The following SPECC1 variants were observed in gnomAD, a reference collection of about 807,000 sequenced individuals.
SPECC1 encodes sperm antigen with calponin homology and coiled-coil domains 1.
Under a neutral mutation model 104.1 loss-of-function variants are expected in SPECC1, and 62 were observed. That is an observed-to-expected ratio of 0.60 (90% CI 0.49 to 0.74). SPECC1 has a LOEUF of 0.74. Among genes scored for constraint, SPECC1 ranks in the 30% least tolerant of loss-of-function variants. The probability of loss-of-function intolerance (pLI) is 0.00; values close to 1 mark genes in which losing one functional copy is unlikely to be tolerated. For synonymous variants in SPECC1, 513 were observed against 501.6 expected, an observed-to-expected ratio of 1.02 and a Z score of -0.30; for missense variants, 1,306 against 1,310.5, an observed-to-expected ratio of 1.00 and a Z score of 0.05.
chr17:20,209,036 T>A (rs1466555445), intron 4 of SPECC1, among the ~76,000 whole-genome samples: 1 of 152,228 alleles, frequency 6.6e-6, no homozygotes, highest in Non-Finnish European at 1.5e-5. Context: ...ATAGTTTTTA[T>A]GTAATCAAGT....
chr17:20,232,170 T>C (rs1413047803), intron 6 of SPECC1, 30 bp from the exon 7 acceptor site: 1 of 1,612,402 alleles, frequency 6.2e-7, no homozygotes, highest in Non-Finnish European at 8.5e-7. Flanking sequence ...GGCAGGCGTC[T>C]GACATAAGGA....
chr17:20,108,788 ACTTG>A, intron 2 of SPECC1, among the ~76,000 whole-genome samples: 1 of 152,320 alleles, frequency 6.6e-6, no homozygotes, highest in Middle Eastern at 3.4e-3. Flanking sequence ...GGACCTATGT[ACTTG>A]CTTCTCTTGG....
At chr17:20,149,353 A>G (rs1880717088) in intron 3 of SPECC1, among the ~76,000 whole-genome samples, 4 of 152,174 alleles carry the variant, frequency 2.6e-5, no homozygotes, top group African/African-American at 9.7e-5. Context: ...GGATTTCGGA[A>G]GGGTTCCTGC....
At chr17:20,284,384 C>T (rs568684464) in intron 12 of SPECC1, among the ~76,000 whole-genome samples, 2 of 152,350 alleles carry the variant, frequency 1.3e-5, no homozygotes, top group Admixed American at 6.5e-5. Flanking sequence ...AGTCTATGTG[C>T]AGGTCTCCAC....
At chr17:20,118,782 A>C (rs1232064763) in intron 3 of SPECC1, among the ~76,000 whole-genome samples, 1 of 152,226 alleles carries the variant, frequency 6.6e-6, no homozygotes, top group Non-Finnish European at 1.5e-5. Context: ...AAACAAGGTA[A>C]ATACAACATA....
intron 13 of SPECC1, among the ~76,000 whole-genome samples, chr17:20,303,003 C>T (rs1384049166): frequency 6.7e-6 from 1 of 149,738 alleles, no homozygotes; most frequent in Non-Finnish European, 1.5e-5. Flanking sequence ...TACTAGTAAT[C>T]AATACAAATT....
chr17:20,165,513 A>G (rs2033575449), intron 3 of SPECC1, among the ~76,000 whole-genome samples: 1 of 152,224 alleles, frequency 6.6e-6, no homozygotes, highest in Admixed American at 6.5e-5. Context: ...TGCTGCAGTG[A>G]ACATACAGGT....
chr17:20,062,657 C>T (rs1432614526), intron 1 of SPECC1, among the ~76,000 whole-genome samples: 2 of 151,954 alleles, frequency 1.3e-5, no homozygotes, highest in Non-Finnish European at 2.9e-5. Context: ...AGCCACCATA[C>T]CAGGTCAAAA....
intron 1 of SPECC1, among the ~76,000 whole-genome samples, chr17:20,059,975 G>C (rs1029854811): frequency 1.3e-5 from 2 of 152,230 alleles, no homozygotes; most frequent in African/African-American, 4.8e-5. Flanking sequence ...ACATGAGCTA[G>C]CACTTCCTCT....
chr17:20,174,700 ACACT>A (rs1039725916), intron 3 of SPECC1, among the ~76,000 whole-genome samples: 1 of 151,412 alleles, frequency 6.6e-6, no homozygotes, highest in Non-Finnish European at 1.5e-5. Flanking sequence ...TACATCTCAA[ACACT>A]CACCGAGTAT....
intron 3 of SPECC1, among the ~76,000 whole-genome samples, chr17:20,180,276 C>G (rs899510132): frequency 6.6e-6 from 1 of 152,076 alleles, no homozygotes; most frequent in African/African-American, 2.4e-5. Context: ...ACAGTAAAGC[C>G]AAATGAGCAG....
At chr17:20,026,570 A>G (rs1025757081) in intron 1 of SPECC1, among the ~76,000 whole-genome samples, 1 of 133,088 alleles carries the variant, frequency 7.5e-6, no homozygotes, top group African/African-American at 3.9e-5. Context: ...TTCATTAAAT[A>G]TAATGTCCTC....
At chr17:20,030,327 A>G (rs1162763768) in intron 1 of SPECC1, among the ~76,000 whole-genome samples, 1 of 151,944 alleles carries the variant, frequency 6.6e-6, no homozygotes, top group African/African-American at 2.4e-5. Flanking sequence ...ATGTAGTTCT[A>G]TTGTCTTCTT....
intron 14 of SPECC1, among the ~76,000 whole-genome samples, chr17:20,311,245 A>C (rs1433356511): frequency 1.3e-5 from 2 of 152,044 alleles, no homozygotes; most frequent in Non-Finnish European, 2.9e-5. Flanking sequence ...CCTGCATGTA[A>C]ATGCTTTGGG....
At chr17:20,240,895 G>A (rs2039172079) in intron 7 of SPECC1, among the ~76,000 whole-genome samples, 1 of 152,188 alleles carries the variant, frequency 6.6e-6, no homozygotes, top group African/African-American at 2.4e-5. Flanking sequence ...ACAAACGCCA[G>A]TCCTCTCTTG....
intron 13 of SPECC1, chr17:20,305,593 T>G (rs2041736246): frequency 6.4e-6 from 1 of 155,834 alleles, no homozygotes; most frequent in Non-Finnish European, 1.4e-5. Context: ...TGAAAGGTAG[T>G]TCTCTGAAGG....
intron 12 of SPECC1, among the ~76,000 whole-genome samples, chr17:20,282,826 G>A (rs1410206184): frequency 6.6e-6 from 1 of 152,182 alleles, no homozygotes; most frequent in Non-Finnish European, 1.5e-5. Context: ...AAGATAAGTA[G>A]AAGTTGTCAG....
chr17:20,157,383 G>A (rs73301541), intron 3 of SPECC1, among the ~76,000 whole-genome samples: 2,608 of 152,114 alleles, frequency 0.017, 76 homozygotes, highest in African/African-American at 0.059. Context: ...ACTGCCTAGA[G>A]GTGACTTTAG....
chr17:20,253,842 C>CT (rs2039723667), intron 10 of SPECC1, among the ~76,000 whole-genome samples: 1 of 151,438 alleles, frequency 6.6e-6, no homozygotes, highest in East Asian at 1.9e-4. Flanking sequence ...TTTTCTTTTC[C>CT]TTTTTTCAGA....
Sources: gnomAD v4.1 joint callset for allele counts (sites outside exome capture counted in the v4.1 genomes callset) on GRCh38, gnomAD v4.1.1 for gene constraint, MANE v1.5 for transcripts, NCBI Gene and HGNC (gene_info 2026-07-23, HGNC 2026-07-21) for gene names.